GRM7: variants seen among roughly 807,000 people sequenced by gnomAD.
GRM7 encodes the protein metabotropic glutamate receptor 7.
GRM7 carries 35 observed loss-of-function variants against 84.5 expected under a neutral mutation model. The ratio of observed to expected loss-of-function variants is 0.41; its 90% CI spans 0.32 to 0.55. The LOEUF is 0.55. Among genes scored for constraint, GRM7 ranks in the 20% least tolerant of loss-of-function variants. The pLI is 0.19. For synonymous variants in GRM7, 487 were observed against 455.1 expected (o/e 1.07, Z -0.89); for missense variants, 1,003 against 1,194.6 (o/e 0.84, Z 2.36).
intron 2 of GRM7, among the ~76,000 whole-genome samples, chr3:7,293,323 A>C (rs892234106): frequency 3.9e-5 from 6 of 152,138 alleles, no homozygotes; most frequent in Non-Finnish European, 8.8e-5. Context: ...CGCAGACAGA[A>C]AACTGACCAG....
chr3:7,524,027 G>A (rs1700699446), intron 7 of GRM7, among the ~76,000 whole-genome samples: 1 of 152,102 alleles, frequency 6.6e-6, no homozygotes, highest in African/African-American at 2.4e-5. Context: ...CGGAGGCTAG[G>A]AGGGTGCTGG....
intron 9 of GRM7, chr3:7,686,365 C>T (rs958426413): frequency 7.2e-7 from 1 of 1,391,636 alleles, no homozygotes; most frequent in African/African-American, 1.4e-5. Context: ...AGACTGTATA[C>T]CACCAGTAAG....
At chr3:7,654,713 T>G (rs1699102659) in intron 8 of GRM7, among the ~76,000 whole-genome samples, 1 of 152,192 alleles carries the variant, frequency 6.6e-6, no homozygotes, top group African/African-American at 2.4e-5. Flanking sequence ...ATCACAGCAC[T>G]GAAATTAGCT....
At chr3:7,561,555 T>G (rs898175876) in intron 7 of GRM7, 1 of 456,476 alleles carries the variant, frequency 2.2e-6, no homozygotes, top group African/African-American at 2.0e-5. Flanking sequence ...TTCCAGGACA[T>G]CGTAGTACCC....
chr3:7,676,151 A>G (rs1700112430), intron 8 of GRM7, among the ~76,000 whole-genome samples: 1 of 152,186 alleles, frequency 6.6e-6, no homozygotes, highest in Admixed American at 6.5e-5. Context: ...AGCATCAGGT[A>G]AAATAATAAC....
chr3:7,601,731 A>C (rs1331167385), intron 8 of GRM7, among the ~76,000 whole-genome samples: 2 of 152,068 alleles, frequency 1.3e-5, no homozygotes, highest in Admixed American at 6.6e-5. Context: ...TCATGCTCAA[A>C]ATATGCTACT....
intron 1 of GRM7, among the ~76,000 whole-genome samples, chr3:6,994,344 A>G (rs947939126): frequency 1.1e-4 from 16 of 152,194 alleles, no homozygotes; most frequent in African/African-American, 3.9e-4. Context: ...TGTTTCTCCG[A>G]TAAAGGAAAC....
chr3:6,907,592 C>G (rs1273484556), intron 1 of GRM7, among the ~76,000 whole-genome samples: 1 of 152,078 alleles, frequency 6.6e-6, no homozygotes, highest in African/African-American at 2.4e-5. Flanking sequence ...CTACTTATTT[C>G]TAAGTAATTA....
At chr3:7,444,753 CT>C in intron 5 of GRM7, among the ~76,000 whole-genome samples, 1 of 152,276 alleles carries the variant, frequency 6.6e-6, no homozygotes, top group Middle Eastern at 3.4e-3. Context: ...TTTCCTTGCA[CT>C]TACCTGAAAA....
chr3:7,491,554 C>G (rs1184847922), intron 7 of GRM7, among the ~76,000 whole-genome samples: 1 of 152,188 alleles, frequency 6.6e-6, no homozygotes, highest in Non-Finnish European at 1.5e-5. Flanking sequence ...AGCCATGGGA[C>G]TTTGCTTCCG....
chr3:7,487,798 C>G (rs1272010291), intron 7 of GRM7, among the ~76,000 whole-genome samples: 1 of 152,204 alleles, frequency 6.6e-6, no homozygotes, highest in Non-Finnish European at 1.5e-5. Flanking sequence ...TAAAACAATG[C>G]TGAATGGATA....
chr3:7,068,933 C>G (rs1358040985), intron 1 of GRM7, among the ~76,000 whole-genome samples: 1 of 151,804 alleles, frequency 6.6e-6, no homozygotes, highest in Non-Finnish European at 1.5e-5. Flanking sequence ...TATTTCTTTA[C>G]TTTTAGTTCT....
intron 2 of GRM7, among the ~76,000 whole-genome samples, chr3:7,201,548 C>T (rs7640818): frequency 0.02 from 3,025 of 152,198 alleles, 90 homozygotes; most frequent in African/African-American, 0.069. Context: ...TTAGACAAAA[C>T]GCTGATAGTA....
At chr3:6,899,977 A>G (rs1696327226) in intron 1 of GRM7, among the ~76,000 whole-genome samples, 1 of 152,168 alleles carries the variant, frequency 6.6e-6, no homozygotes, top group Non-Finnish European at 1.5e-5. Context: ...AAATAGCTTT[A>G]ACTTACTTCC....
At chr3:7,496,694 C>T (rs1699715263) in intron 7 of GRM7, among the ~76,000 whole-genome samples, 2 of 151,808 alleles carry the variant, frequency 1.3e-5, no homozygotes, top group South Asian at 2.1e-4. Context: ...TAATATAATG[C>T]CCTTGTTTCC....
chr3:7,211,985 T>G (rs1245344624), intron 2 of GRM7, among the ~76,000 whole-genome samples: 1 of 151,730 alleles, frequency 6.6e-6, no homozygotes, highest in African/African-American at 2.4e-5. Context: ...TGCAGTTCCC[T>G]CAGGCGTAGC....
At chr3:6,914,277 G>A (rs1696868954) in intron 1 of GRM7, among the ~76,000 whole-genome samples, 1 of 152,166 alleles carries the variant, frequency 6.6e-6, no homozygotes, top group Non-Finnish European at 1.5e-5. Context: ...ATCTTTAGTA[G>A]TGATGGTTAT....
intron 1 of GRM7, among the ~76,000 whole-genome samples, chr3:7,067,170 T>C (rs574091890): frequency 2.0e-5 from 3 of 151,984 alleles, no homozygotes; most frequent in African/African-American, 4.8e-5. Context: ...GTCCTAGCCA[T>C]AGCAATCAGA....
At chr3:7,627,804 G>A (rs1036999608) in intron 8 of GRM7, among the ~76,000 whole-genome samples, 1 of 152,112 alleles carries the variant, frequency 6.6e-6, no homozygotes, top group African/African-American at 2.4e-5. Context: ...GTGTTTTTAC[G>A]TGGTCTTTCT....
Sources: gnomAD v4.1 joint callset for allele counts (sites outside exome capture counted in the v4.1 genomes callset) on GRCh38, gnomAD v4.1.1 for gene constraint, MANE v1.5 for transcripts, NCBI Gene and HGNC (gene_info 2026-07-23, HGNC 2026-07-21) for gene names.